EXO1: variants seen among roughly 807,000 people sequenced by gnomAD.
EXO1 encodes exonuclease 1.
EXO1 carries 69 observed loss-of-function variants against 84.5 expected under a neutral mutation model. The observed-to-expected ratio is 0.82, with a 90% CI of 0.67 to 1.00. The LOEUF is 1.00. Among genes scored for constraint, EXO1 ranks in the 50% least tolerant of loss-of-function variants. The pLI, the probability that EXO1 is intolerant of heterozygous loss-of-function variation, is 0.00. For synonymous variants in EXO1, 373 were observed against 366.1 expected (o/e 1.02, Z -0.21); for missense variants, 1,045 against 1,000.7 (o/e 1.04, Z -0.60).
rs4149884 is a variant in EXO1 at position 241,855,126 on chromosome 1, G to A, written c.405+1645G>A. ...CCATGGTGTGGAAGGGGACCTAAGTGGGTTGCCACTGCTGGCTGGGGCAGC... is the reference window on the plus strand; with the variant it reads ...CCATGGTGTGGAAGGGGACCTAAGTAGGTTGCCACTGCTGGCTGGGGCAGC... On this transcript the variant is annotated intron_variant, in intron 6 of 15. Coordinates refer to ENST00000366548, the MANE Select transcript of EXO1 (RefSeq NM_130398.4). Among the ~76,000 whole-genome samples the A allele has an allele frequency of 3.3e-3, 499 of 152,290 alleles. 1 individual carries two copies. Among genetic ancestry groups the A allele is most frequent in the African/African-American group, 0.011 (477 of 41,550 alleles).
intron 14 of EXO1, among the ~76,000 whole-genome samples, chr1:241,884,650 T>G (rs1662945464): frequency 1.8e-5 from 2 of 110,328 alleles, no homozygotes; most frequent in South Asian, 5.6e-4. Flanking sequence ...ATGCTGCCTG[T>G]GTGTGTGTGT....
At chr1:241,860,800 A>G (rs947639687) in intron 9 of EXO1, 96 bp downstream of exon 9, 2 of 980,842 alleles carry the variant, frequency 2.0e-6, no homozygotes. Context: ...AAGCTTGCAC[A>G]TTATTTTTTG....
intron 11 of EXO1, 73 bp downstream of exon 11, chr1:241,867,128 T>A: frequency 8.8e-7 from 1 of 1,139,338 alleles, no homozygotes; most frequent in East Asian, 2.5e-5. Context: ...CAACGCAAAG[T>A]CGCGAAGATT....
chr1:241,850,324 A>G (rs1325969501), intron 3 of EXO1, 85 bp from the exon 4 acceptor site: 8 of 994,212 alleles, frequency 8.0e-6, no homozygotes, highest in Non-Finnish European at 7.7e-6. Flanking sequence ...TTGGACTCCA[A>G]GCTTTCTCTT....
At chr1:241,878,538 G>A (rs544560979) in intron 12 of EXO1, among the ~76,000 whole-genome samples, 5 of 150,800 alleles carry the variant, frequency 3.3e-5, no homozygotes, top group African/African-American at 1.2e-4. Flanking sequence ...AAAATTCATC[G>A]TATAAATAGA....
Position 241,857,483 on chromosome 1 carries a change from G to C in EXO1, c.543+1G>C. Reference sequence around the variant, plus strand: ...TCTCCTAGCTTTTGGCTGTAAAAAGGTACTCACCTCTGACTACTATATATT... The same window carrying C: ...TCTCCTAGCTTTTGGCTGTAAAAAGCTACTCACCTCTGACTACTATATATT... On this transcript the variant is annotated splice_donor_variant, in intron 7 of 15. Transcript: ENST00000366548. LOFTEE classifies it high-confidence loss of function. 1 of 1,612,918 alleles carries C rather than the reference G, an allele frequency of 6.2e-7. No homozygotes were observed. The highest frequency in any genetic ancestry group is 8.5e-7 in the Non-Finnish European group (1 of 1,179,404).
chr1:241,868,067 C>T (rs111636594), intron 11 of EXO1, among the ~76,000 whole-genome samples: 11,847 of 151,772 alleles, frequency 0.078, 726 homozygotes, highest in Admixed American at 0.19. Flanking sequence ...ACACTGAGAC[C>T]CTGTCTCCAC....
In EXO1 at chr1:241,883,163, A is replaced by G. The variant is rs568371872; in HGVS notation, c.2211+1146A>G. 2.4e-4 allele frequency among the ~76,000 whole-genome samples: 36 copies of G among 152,316 alleles called. No homozygotes were observed. In the South Asian group the frequency reaches 7.3e-3, roughly 31 times the overall value. ...TATATTATGTTTCTAGTAGCATAAAAACTTCTTACTTTTTAAAATTTTAAT... is the reference window on the plus strand; with the variant it reads ...TATATTATGTTTCTAGTAGCATAAAGACTTCTTACTTTTTAAAATTTTAAT... On this transcript the variant is annotated intron_variant, in intron 14 of 15. Transcript: ENST00000366548.
chr1:241,889,720 T>G lies in EXO1; in HGVS notation c.*120T>G. 1 of 972,436 alleles carries G rather than the reference T, an allele frequency of 1.0e-6. No individual in the cohort carries two copies. The highest frequency in any genetic ancestry group is 1.6e-6 in the Non-Finnish European group (1 of 612,572). 60.2% of individuals were successfully genotyped at this position (972,436 alleles called of 1,614,324 possible). A position where few individuals can be genotyped will look rare whatever the true frequency, so the allele number is the denominator to read the frequency against. ...TTCTCATTCTGTGCCATTTTAAAAA[T>G]AGAATACATTTTGTATATTAACTTT... is the stretch of plus-strand genomic sequence containing the variant. On this transcript the variant is annotated 3_prime_UTR_variant, in exon 16 of 16. Coordinates refer to ENST00000366548, the MANE Select transcript of EXO1 (RefSeq NM_130398.4).
In EXO1 at chr1:241,872,253, G is replaced by C; in HGVS notation, c.1489G>C (p.Val497Leu). The C allele has an allele frequency of 6.2e-7, 1 of 1,614,088 alleles. No homozygotes were observed. Among genetic ancestry groups the C allele is most frequent in the Non-Finnish European group, 8.5e-7 (1 of 1,179,976 alleles). The stretch of plus-strand genomic sequence containing the variant: ...AAGGAAAAATGAAGAAAGTGGTGCA[G>C]TTGTGGTTCCAGGGACCAGAAGCAG... The part of the protein sequence containing the change: ...LQRKNEESGA[V>L]VVPGTRSRFF... Residue 497 changes from valine (V) to leucine (L), a missense_variant, in exon 12 of 16, where the codon GTT becomes CTT. Transcript: ENST00000366548.
chr1:241,856,697 C>A (rs2526700), intron 6 of EXO1, among the ~76,000 whole-genome samples: 77,930 of 151,876 alleles, frequency 0.51, 20,333 homozygotes, highest in East Asian at 0.71. Flanking sequence ...TGTATATTTT[C>A]GGAACATAGC....
At chr1:241,865,184 T>C (rs1285045170) in intron 10 of EXO1, among the ~76,000 whole-genome samples, 1 of 150,118 alleles carries the variant, frequency 6.7e-6, no homozygotes, top group Non-Finnish European at 1.5e-5. Flanking sequence ...GCATTATATA[T>C]ATATATATAT....
At chr1:241,869,380 C>T (rs940745090) in intron 11 of EXO1, among the ~76,000 whole-genome samples, 2 of 152,084 alleles carry the variant, frequency 1.3e-5, no homozygotes, top group African/African-American at 2.4e-5. Context: ...ATTGGGGAAA[C>T]GTGGGAATTT....
rs1413400914 is a variant in EXO1, at chr1:241,889,690, AT to A, written c.*96del. ...AATGAGGCACTTATCAGCATGAAGA[AT>A]TTTTTCTCATTCTGTGCCATTTTAA... On this transcript the variant is annotated 3_prime_UTR_variant, in exon 16 of 16. Transcript: ENST00000366548. The A allele has an allele frequency of 1.6e-6, 2 of 1,240,596 alleles. No individual in the cohort carries two copies. The highest frequency in any genetic ancestry group is 1.2e-5 in the South Asian group (1 of 83,180). The allele number at this position is 1,240,596 out of a possible 1,614,324, so 76.8% of individuals were successfully genotyped here. A position where few individuals can be genotyped will look rare whatever the true frequency, so the allele number is the denominator to read the frequency against.
chr1:241,861,407 T>A lies in EXO1; in HGVS notation c.946T>A (p.Tyr316Asn). The A allele has an allele frequency of 7.1e-7, 1 of 1,416,404 alleles. No individual in the cohort carries two copies. Among genetic ancestry groups the A allele is most frequent in the Non-Finnish European group, 1.0e-6 (1 of 999,392 alleles). The allele number at this position is 1,416,404 out of a possible 1,614,324, so 87.7% of individuals were successfully genotyped here. A position where few individuals can be genotyped will look rare whatever the true frequency, so the allele number is the denominator to read the frequency against. ...DPETLSYAGQ[Y>N]VDDSIALQIA... The stretch of plus-strand genomic sequence containing the variant: ...TTTTCCTTAATCTTGCTAATCTAGA[T>A]ATGTTGATGATTCCATAGCTCTTCA... The change falls in exon 10 of 16, where the codon TAT becomes AAT. Residue 316 changes from tyrosine (Y) to asparagine (N), a missense_variant and splice_region_variant. Tyr to Asn is a moderately radical substitution (Grantham distance 143). Coordinates refer to ENST00000366548, the MANE Select transcript of EXO1 (RefSeq NM_130398.4).
rs184392264 is a variant in EXO1, at chr1:241,882,922, A to G, written c.2211+905A>G. On this transcript the variant is annotated intron_variant, in intron 14 of 15. Coordinates refer to ENST00000366548, the MANE Select transcript of EXO1 (RefSeq NM_130398.4). ...TGAAAGAGTTCAAATAATTTAAACC[A>G]GTAAGTGCATTCTAGAACTTTAGCC... Among the ~76,000 whole-genome samples, 946 of 152,320 alleles carry G rather than the reference A, an allele frequency of 6.2e-3. 12 individuals are homozygous for G. The highest frequency in any genetic ancestry group is 0.022 in the African/African-American group (902 of 41,594).
intron 11 of EXO1, among the ~76,000 whole-genome samples, chr1:241,871,416 C>G (rs1662084180): frequency 6.6e-6 from 1 of 152,200 alleles, no homozygotes; most frequent in Non-Finnish European, 1.5e-5. Context: ...AGTGCTGTCT[C>G]TATGTACTTA....
rs4149963 is a variant in EXO1, at chr1:241,872,080, C to T, written c.1316C>T (p.Thr439Met). The change falls in exon 12 of 16, where the codon ACG becomes ATG. Residue 439 changes from threonine to methionine, a missense_variant. Thr to Met is a moderately conservative substitution (Grantham distance 81). Coordinates refer to ENST00000366548, the MANE Select transcript of EXO1 (RefSeq NM_130398.4). ...DLLSQYSLSFTKKTKKNSSEG... is the reference protein window; with the variant it reads ...DLLSQYSLSFMKKTKKNSSEG... Reference sequence around the variant, plus strand: ...TTGAGTCAGTATTCTCTTTCATTTACGAAGAAGACCAAGAAAAATAGCTCT... The same window carrying T: ...TTGAGTCAGTATTCTCTTTCATTTATGAAGAAGACCAAGAAAAATAGCTCT... 0.085 allele frequency: 137,456 copies of T among 1,612,702 alleles called. 7,709 individuals carry two copies. The highest frequency in any genetic ancestry group is 0.27 in the Admixed American group (16,159 of 59,952).
intron 5 of EXO1, among the ~76,000 whole-genome samples, 189 bp from the exon 6 acceptor site, chr1:241,853,169 T>G (rs1660761210): frequency 6.6e-6 from 1 of 152,108 alleles, no homozygotes; most frequent in African/African-American, 2.4e-5. Context: ...TCATTCTAAG[T>G]CACTTGTTCT....
Sources: allele counts gnomAD v4.1 joint callset (sites outside exome capture counted in the v4.1 genomes callset), GRCh38; gene constraint gnomAD v4.1.1; transcripts MANE v1.5; gene names NCBI Gene and HGNC (gene_info 2026-07-23, HGNC 2026-07-21).